Variants in FAM118B observed in about 807,000 individuals in gnomAD.
FAM118B encodes protein FAM118B.
Under a neutral mutation model 38.5 loss-of-function variants are expected in FAM118B, and 24 were observed. The observed-to-expected ratio is 0.62, with a 90% CI of 0.45 to 0.88. The LOEUF is 0.88. Among genes scored for constraint, FAM118B ranks in the 40% least tolerant of loss-of-function variants. The probability of loss-of-function intolerance (pLI) is 0.00; values close to 1 mark genes in which losing one functional copy is unlikely to be tolerated. For missense variants in FAM118B, 334 were observed against 420.0 expected (o/e 0.80, Z 1.79); for synonymous variants, 138 against 156.3 (o/e 0.88, Z 0.87).
intron 1 of FAM118B, among the ~76,000 whole-genome samples, chr11:126,221,733 C>G (rs1001795504): frequency 6.6e-5 from 10 of 151,960 alleles, no homozygotes; most frequent in African/African-American, 2.2e-4. Flanking sequence ...CCTGCGGATC[C>G]TCAGCATTTA....
chr11:126,254,199 A>G, intron 5 of FAM118B, 106 bp from the exon 6 acceptor site: 3 of 1,330,710 alleles, frequency 2.3e-6, no homozygotes, highest in Non-Finnish European at 3.1e-6. Context: ...GAAGCTAGAG[A>G]GTTTATGTCA....
chr11:126,211,734 G>T, upstream of FAM118B: 12 of 1,415,438 alleles, frequency 8.5e-6, no homozygotes, highest in South Asian at 1.3e-5. Context: ...GTGGTGCGGG[G>T]TGGGGCCTGG....
intron 1 of FAM118B, among the ~76,000 whole-genome samples, chr11:126,221,911 T>A (rs2135131687): frequency 6.6e-6 from 1 of 152,198 alleles, no homozygotes; most frequent in South Asian, 2.1e-4. Flanking sequence ...TTGATTTTCC[T>A]CAAGCAGAAG....
intron 2 of FAM118B, among the ~76,000 whole-genome samples, chr11:126,232,733 A>AT (rs1950225168): frequency 6.6e-6 from 1 of 151,516 alleles, no homozygotes; most frequent in Non-Finnish European, 1.5e-5. Context: ...AAAAAAATAT[A>AT]TTTTTTCCTT....
chr11:126,232,639 A>C (rs544807007), intron 2 of FAM118B, among the ~76,000 whole-genome samples: 1 of 151,906 alleles, frequency 6.6e-6, no homozygotes, highest in Non-Finnish European at 1.5e-5. Context: ...TAAGCACCTA[A>C]GTTTTTTCCT....
chr11:126,233,511 A>G (rs1950233546), intron 2 of FAM118B: 1 of 259,506 alleles, frequency 3.9e-6, no homozygotes. Flanking sequence ...CAAAAAACCC[A>G]GAAAAACCTA....
chr11:126,240,934 A>G lies in FAM118B; in HGVS notation c.229A>G (p.Ile77Val). The G allele has an allele frequency of 5.0e-6, 8 of 1,614,186 alleles. No homozygotes were observed. Among genetic ancestry groups the G allele is most frequent in the Non-Finnish European group, 6.8e-6 (8 of 1,180,034 alleles). The change falls in exon 4 of 9, where the codon ATT (isoleucine) becomes GTT (valine). Residue 77 changes from isoleucine (I) to valine (V), a missense_variant. Around this residue, in one of 3 missense-constraint regions of FAM118B, gnomAD observed 240 missense variants for 295.9 expected, o/e 0.81. Coordinates refer to ENST00000533050, the MANE Select transcript of FAM118B (RefSeq NM_024556.4). ...GLIQALLDAA[I>V]DFDLLEDEES... ...AATTCAGGCCTTACTGGATGCTGCC[A>G]TTGATTTTGATCTTTTAGAAGATGA...
chr11:126,214,503 G>GTTTTTGTTTTTTTTT, intron 1 of FAM118B: 1 of 28,258 alleles, frequency 3.5e-5, no homozygotes, highest in Non-Finnish European at 7.5e-5. Context: ...TTTTTTTTTT[G>GTTTTTGTTTTTTTTT]TTTTTTTTTT....
rs1221639597 is a variant in FAM118B at position 126,253,705 on chromosome 11, G to A, written c.568-600G>A. Among the ~76,000 whole-genome samples the A allele has an allele frequency of 6.6e-6, 1 of 152,178 alleles. No individual in the cohort carries two copies. Among genetic ancestry groups the A allele is most frequent in the African/African-American group, 2.4e-5 (1 of 41,442 alleles). On this transcript the variant is annotated intron_variant, in intron 5 of 8. Coordinates refer to ENST00000533050, the MANE Select transcript of FAM118B (RefSeq NM_024556.4). This position sits in a 1 kb window ranked among gnomAD's most constrained non-coding sequence, Gnocchi z 5.1. ...GCAGACATCTGATGGCCGCACCAGG[G>A]CTGAGTGATATAAGGGGACCATACT... is the stretch of plus-strand genomic sequence containing the variant.
chr11:126,233,552 A>G (rs572939550), intron 2 of FAM118B: 33 of 321,246 alleles, frequency 1.0e-4, no homozygotes, highest in South Asian at 8.1e-4. Context: ...ATTTACTGAG[A>G]TAAGTGACTC....
chr11:126,233,434 G>A (rs1591510918), intron 2 of FAM118B, among the ~76,000 whole-genome samples: 1 of 152,104 alleles, frequency 6.6e-6, no homozygotes, highest in South Asian at 2.1e-4. Context: ...GCAGTGAGCC[G>A]AGATTGCGCC....
chr11:126,234,788 A>G (rs992514715), intron 2 of FAM118B, among the ~76,000 whole-genome samples: 2 of 152,202 alleles, frequency 1.3e-5, no homozygotes, highest in Non-Finnish European at 2.9e-5. Context: ...CCAAAGTCCT[A>G]TAATTTCCAG....
chr11:126,256,469 G>C lies in FAM118B; in HGVS notation c.697-98G>C, dbSNP rs2135214237. 2 of 1,098,940 alleles carry C rather than the reference G, an allele frequency of 1.8e-6. No homozygotes were observed. The highest frequency in any genetic ancestry group is 2.6e-6 in the Non-Finnish European group (2 of 764,770). 68.1% of individuals were successfully genotyped at this position (1,098,940 alleles called of 1,614,324 possible). The stretch of plus-strand genomic sequence containing the variant: ...CAACCCACTTAAGTCTTGCTTAATT[G>C]GTCATCACAGTCTGCTCAACGTAGC... On this transcript the variant is annotated intron_variant, in intron 6 of 8. Transcript: ENST00000533050. The surrounding 1 kb of genome is among the most constrained non-coding windows in gnomAD (Gnocchi z 6.6).
intron 4 of FAM118B, among the ~76,000 whole-genome samples, chr11:126,242,070 AT>A (rs1950367084): frequency 6.6e-6 from 1 of 151,744 alleles, no homozygotes; most frequent in Non-Finnish European, 1.5e-5. Context: ...TAAAGAGTTC[AT>A]GGAATCTCCA....
At position 126,256,591 on chromosome 11, in the gene FAM118B, A is replaced by G. The variant is rs1288559185; in HGVS notation, c.721A>G (p.Asn241Asp). ...VMREIQKLYENKSFLFLGCGW... is the reference protein window; with the variant it reads ...VMREIQKLYEDKSFLFLGCGW... ...GAGAGAAATTCAGAAACTCTACGAA[A>G]ACAAGTCATTTCTTTTCCTGGGCTG... Residue 241 changes from asparagine to aspartate, a missense_variant, in exon 7 of 9, where the codon AAC becomes GAC. Coordinates refer to ENST00000533050, the MANE Select transcript of FAM118B (RefSeq NM_024556.4). The surrounding 1 kb of genome is among the most constrained non-coding windows in gnomAD (Gnocchi z 6.6). 1.2e-6 allele frequency: 2 copies of G among 1,613,960 alleles called. No homozygotes were observed. The highest frequency in any genetic ancestry group is 1.7e-5 in the Admixed American group (1 of 59,940).
rs1950560895 is a variant in FAM118B, at chr11:126,255,324, C to A, written c.696+891C>A. ...GACTGGGTCATATAGATTATAGCAT[C>A]TTTTAATAATGAGGCAAAAGACCGA... On this transcript the variant is annotated intron_variant, in intron 6 of 8. Transcript: ENST00000533050. This position sits in a 1 kb window ranked among gnomAD's most constrained non-coding sequence, Gnocchi z 4.6. Among the ~76,000 whole-genome samples, 1 of 152,154 alleles carries A rather than the reference C, an allele frequency of 6.6e-6. No homozygotes were observed. The highest frequency in any genetic ancestry group is 2.1e-4 in the South Asian group (1 of 4,824).
chr11:126,211,984 C>A (rs1192535287), intron 1 of FAM118B, among the ~76,000 whole-genome samples, 154 bp downstream of exon 1: 1 of 152,206 alleles, frequency 6.6e-6, no homozygotes, highest in Non-Finnish European at 1.5e-5. Flanking sequence ...AACTCCTCCC[C>A]GCCCCCGCGC....
intron 1 of FAM118B, among the ~76,000 whole-genome samples, chr11:126,222,548 T>C (rs1261472817): frequency 1.3e-5 from 2 of 152,238 alleles, no homozygotes; most frequent in Non-Finnish European, 2.9e-5. Flanking sequence ...AATTTCTTGT[T>C]GTTAGGAAGG....
At chr11:126,226,029 C>G (rs191028918) in intron 1 of FAM118B, among the ~76,000 whole-genome samples, 258 of 152,118 alleles carry the variant, frequency 1.7e-3, no homozygotes, top group African/African-American at 5.4e-3. Flanking sequence ...GCATGGAAGG[C>G]AAAAAATAGT....
Sources: gnomAD v4.1 joint callset for allele counts (sites outside exome capture counted in the v4.1 genomes callset) on GRCh38, gnomAD v4.1.1 for gene constraint, gnomAD v4.1.1 regional missense constraint, Gnocchi (gnomAD v3.1) non-coding constraint, MANE v1.5 for transcripts, NCBI Gene and HGNC (gene_info 2026-07-23, HGNC 2026-07-21) for gene names.